Variants in HCN1 observed in about 807,000 individuals in gnomAD.
The protein encoded by HCN1 is potassium/sodium hyperpolarization-activated cyclic nucleotide-gated channel 1.
HCN1 carries 13 observed loss-of-function variants against 78.9 expected under a neutral mutation model. The observed-to-expected ratio is 0.16, with a 90% CI of 0.11 to 0.26. HCN1 has a LOEUF of 0.26. Ranked by LOEUF, HCN1 falls within the 10% of genes least tolerant of loss-of-function variation. The pLI is 1.00. For synonymous variants in HCN1, 552 were observed against 455.5 expected (o/e 1.21, Z -2.70); for missense variants, 810 against 1,154.3 (o/e 0.70, Z 4.32).
rs1418098878 is a variant in HCN1 at position 45,259,199 on chromosome 5, A to G, written c.*2722T>C. On this transcript the variant is annotated 3_prime_UTR_variant, in exon 8 of 8. Coordinates refer to ENST00000303230, the MANE Select transcript of HCN1 (RefSeq NM_021072.4). Reference sequence around the variant, plus strand: ...AGAGGCAAAGCTGTACTCATTAATAAAATAAAACATTTGATTAGCATATAT... The same window carrying G: ...AGAGGCAAAGCTGTACTCATTAATAGAATAAAACATTTGATTAGCATATAT... The G allele has an allele frequency of 6.6e-6, 1 of 151,974 alleles. No homozygotes were observed. Among genetic ancestry groups the G allele is most frequent in the Non-Finnish European group, 1.5e-5 (1 of 67,906 alleles). The allele number at this position is 151,974 out of a possible 1,614,324, so 9.4% of individuals were successfully genotyped here. A position where few individuals can be genotyped will look rare whatever the true frequency, so the allele number is the denominator to read the frequency against.
intron 2 of HCN1, among the ~76,000 whole-genome samples, chr5:45,629,306 T>C (rs972554556): frequency 6.6e-6 from 1 of 152,156 alleles, no homozygotes; most frequent in Non-Finnish European, 1.5e-5. Context: ...AGTAAGGATA[T>C]GGAAGATTTG....
intron 2 of HCN1, among the ~76,000 whole-genome samples, chr5:45,554,805 T>A (rs1190759493): frequency 1.3e-5 from 2 of 151,908 alleles, no homozygotes; most frequent in Non-Finnish European, 2.9e-5. Context: ...AAAAACTTTC[T>A]AACTTTCTTC....
intron 3 of HCN1, among the ~76,000 whole-genome samples, chr5:45,454,643 A>G (rs549339248): frequency 4.6e-5 from 7 of 152,082 alleles, no homozygotes; most frequent in Non-Finnish European, 7.4e-5. Flanking sequence ...TATATTTTTA[A>G]TTAAGAGATT....
intron 3 of HCN1, among the ~76,000 whole-genome samples, chr5:45,457,679 C>A (rs1741056847): frequency 6.6e-6 from 1 of 152,204 alleles, no homozygotes; most frequent in African/African-American, 2.4e-5. Flanking sequence ...GTCCTGGAGG[C>A]TGGGATATCC....
chr5:45,652,487 T>G (rs1580020568), intron 1 of HCN1, among the ~76,000 whole-genome samples: 1 of 152,114 alleles, frequency 6.6e-6, no homozygotes, highest in South Asian at 2.1e-4. Flanking sequence ...TTCTATTCAC[T>G]CTCTCCTTCA....
chr5:45,516,245 A>G lies in HCN1; in HGVS notation c.850-54238T>C, dbSNP rs187268859. The stretch of plus-strand genomic sequence containing the variant: ...CACATCTTCTCTCCTTCTAGCCCTT[A>G]CCTCCCTGTTTAAACATTGAACACT... On this transcript the variant is annotated intron_variant, in intron 2 of 7. Transcript: ENST00000303230. Among the ~76,000 whole-genome samples the G allele has an allele frequency of 4.6e-5, 7 of 151,860 alleles. No individual in the cohort carries two copies. In the East Asian group the frequency reaches 1.4e-3, roughly 29 times the overall value.
chr5:45,446,942 T>C (rs1426553400), intron 3 of HCN1, among the ~76,000 whole-genome samples: 4 of 151,764 alleles, frequency 2.6e-5, no homozygotes, highest in African/African-American at 9.7e-5. Context: ...CATTCCAAAA[T>C]GTAAAGACCA....
intron 4 of HCN1, among the ~76,000 whole-genome samples, chr5:45,370,280 C>A (rs1039582933): frequency 6.6e-6 from 1 of 151,896 alleles, no homozygotes; most frequent in African/African-American, 2.4e-5. Context: ...TTAAAAAAAC[C>A]TGAATATATA....
intron 3 of HCN1, among the ~76,000 whole-genome samples, chr5:45,437,637 A>G (rs1044460419): frequency 2.6e-4 from 39 of 152,216 alleles, no homozygotes; most frequent in African/African-American, 9.4e-4. Context: ...AGAGTGTGAC[A>G]TTTGAGTCAC....
chr5:45,586,512 G>A (rs1331711457), intron 2 of HCN1, among the ~76,000 whole-genome samples: 1 of 152,084 alleles, frequency 6.6e-6, no homozygotes, highest in South Asian at 2.1e-4. Flanking sequence ...GTCACACTCG[G>A]TGCACTGCAC....
At chr5:45,495,770 G>A (rs989733761) in intron 2 of HCN1, among the ~76,000 whole-genome samples, 4 of 152,082 alleles carry the variant, frequency 2.6e-5, no homozygotes, top group Admixed American at 6.6e-5. Context: ...TTTGAAATAC[G>A]TCCCATGAAT....
chr5:45,293,219 G>A (rs945376219), intron 6 of HCN1, among the ~76,000 whole-genome samples: 1 of 152,014 alleles, frequency 6.6e-6, no homozygotes, highest in African/African-American at 2.4e-5. Flanking sequence ...CATCAACAGT[G>A]TAAAACTGTT....
At chr5:45,373,520 T>C (rs1039994487) in intron 4 of HCN1, among the ~76,000 whole-genome samples, 3 of 141,378 alleles carry the variant, frequency 2.1e-5, no homozygotes, top group South Asian at 4.3e-4. Flanking sequence ...ATCTATAATA[T>C]ATATTACATA....
chr5:45,676,692 A>G (rs533716062), intron 1 of HCN1, among the ~76,000 whole-genome samples: 1 of 151,966 alleles, frequency 6.6e-6, no homozygotes, highest in Admixed American at 6.6e-5. Context: ...TGAATTATAA[A>G]TAAGTTCTAA....
At chr5:45,609,812 G>A (rs1266700381) in intron 2 of HCN1, among the ~76,000 whole-genome samples, 1 of 152,168 alleles carries the variant, frequency 6.6e-6, no homozygotes, top group Admixed American at 6.6e-5. Flanking sequence ...GAGAAGCAAA[G>A]AGGAAGAACC....
At position 45,516,162 on chromosome 5, in the gene HCN1, G is replaced by T. The variant is rs183486422; in HGVS notation, c.850-54155C>A. ...TTCCATGTTTGCTCTTTTGGAAGGG[G>T]TTTCCTCAATGGAGTTGACTTATCC... On this transcript the variant is annotated intron_variant, in intron 2 of 7. Transcript: ENST00000303230. Among the ~76,000 whole-genome samples the T allele has an allele frequency of 3.4e-4, 51 of 152,012 alleles. 1 individual carries two copies. In the East Asian group the frequency reaches 7.7e-3, roughly 23 times the overall value.
chr5:45,278,124 A>G (rs1345685430), intron 6 of HCN1, among the ~76,000 whole-genome samples: 1 of 152,046 alleles, frequency 6.6e-6, no homozygotes, highest in African/African-American at 2.4e-5. Flanking sequence ...CATCCCCCTG[A>G]GTGCCTGACT....
chr5:45,307,332 C>A (rs1309103908), intron 5 of HCN1, among the ~76,000 whole-genome samples: 2 of 152,048 alleles, frequency 1.3e-5, no homozygotes, highest in South Asian at 2.1e-4. Context: ...TTACCAAACC[C>A]TTAAGGATGG....
At chr5:45,692,970 T>C (rs533735190) in intron 1 of HCN1, among the ~76,000 whole-genome samples, 5 of 152,270 alleles carry the variant, frequency 3.3e-5, no homozygotes, top group Non-Finnish European at 7.4e-5. Context: ...GAAATTACTC[T>C]TAAGTGTCAT....
Sources: gnomAD v4.1 joint callset for allele counts (sites outside exome capture counted in the v4.1 genomes callset) on GRCh38, gnomAD v4.1.1 for gene constraint, MANE v1.5 for transcripts, NCBI Gene and HGNC (gene_info 2026-07-23, HGNC 2026-07-21) for gene names.